VASP: variants seen among roughly 807,000 people sequenced by gnomAD.
The protein encoded by VASP is vasodilator-stimulated phosphoprotein.
Under a neutral mutation model 54.4 loss-of-function variants are expected in VASP, and 27 were observed. The observed-to-expected ratio is 0.50, with a 90% confidence interval of 0.37 to 0.68. VASP has a LOEUF of 0.68. Ranked by LOEUF, VASP falls within the 30% of genes least tolerant of loss-of-function variation. The probability of loss-of-function intolerance (pLI) is 0.00; values close to 1 mark genes in which losing one functional copy is unlikely to be tolerated. For missense variants in VASP, 488 were observed against 528.3 expected (o/e 0.92, Z 0.75); for synonymous variants, 233 against 209.8 (o/e 1.11, Z -0.96).
chr19:45,517,220 T>G (rs909635570), intron 1 of VASP, among the ~76,000 whole-genome samples: 35 of 151,788 alleles, frequency 2.3e-4, no homozygotes, highest in African/African-American at 8.5e-4. Context: ...CTGAAATGCT[T>G]GGGCTCAAGT....
Position 45,513,468 on chromosome 19 carries a change from C to CTTT in VASP, c.6-4176_6-4174dup, listed in dbSNP as rs71173173. Among the ~76,000 whole-genome samples, 28 of 92,780 alleles carry CTTT rather than the reference C, an allele frequency of 3.0e-4. 1 individual carries two copies. Among genetic ancestry groups the CTTT allele is most frequent in the South Asian group, 1.7e-3 (5 of 2,884 alleles). 60.9% of individuals were successfully genotyped at this position (92,780 alleles called of 152,430 possible). Reference sequence around the variant, plus strand: ...CATCTTGCCCAAGCTAGTCTCTCTCCTTTTTTTTTTTTTTTTTTTTTGAGA... The same window carrying CTTT: ...CATCTTGCCCAAGCTAGTCTCTCTCCTTTTTTTTTTTTTTTTTTTTTTTTGAGA... On this transcript the variant is annotated intron_variant, in intron 1 of 12. Transcript: ENST00000245932.
intron 3 of VASP, 53 bp downstream of exon 3, chr19:45,518,147 G>C: frequency 6.3e-7 from 1 of 1,579,422 alleles, no homozygotes; most frequent in Non-Finnish European, 8.6e-7. Flanking sequence ...GTGTGGCCTG[G>C]GGCTGCCGCT....
Position 45,525,995 on chromosome 19 carries a change from T to A in VASP, c.1097T>A (p.Ile366Asn). 1.2e-6 allele frequency: 2 copies of A among 1,613,958 alleles called. No homozygotes were observed. The highest frequency in any genetic ancestry group is 1.7e-6 in the Non-Finnish European group (2 of 1,179,980). The change falls in exon 12 of 13, where the codon ATC (isoleucine) becomes AAC (asparagine). Residue 366 changes from isoleucine to asparagine, a missense_variant. Physicochemically the swap from Ile to Asn is moderately radical, Grantham distance 149 (BLOSUM62 -3). Around this residue, in one of 4 missense-constraint regions of VASP, gnomAD observed 126 missense variants for 134.8 expected, o/e 0.94. Coordinates refer to ENST00000245932, the MANE Select transcript of VASP (RefSeq NM_003370.4). ...GAATTGCAGAAAGTGAAAGAGGAAA[T>A]CATTGAAGGTGAGGTGGTTTGCTTT... ...KKELQKVKEE[I>N]IEAFVQELRK...
rs1346833797 is a variant in VASP, at chr19:45,526,587, G to A, written c.*410G>A. On this transcript the variant is annotated 3_prime_UTR_variant, in exon 13 of 13. Transcript: ENST00000245932. ...ATATATATATATTTGGGTTTTGGGG[G>A]AAAAGGGAAATTTTTTTTTCTCTTT... The A allele has an allele frequency of 6.5e-6, 1 of 154,008 alleles. No individual in the cohort carries two copies. The highest frequency in any genetic ancestry group is 1.4e-5 in the Non-Finnish European group (1 of 69,074). The allele number at this position is 154,008 out of a possible 1,614,324, so 9.5% of individuals were successfully genotyped here.
intron 4 of VASP, 102 bp from the exon 5 acceptor site, chr19:45,522,066 C>T (rs538707703): frequency 2.6e-6 from 4 of 1,527,258 alleles, no homozygotes; most frequent in Admixed American, 3.5e-5. Context: ...TAGGAGCCAG[C>T]CACCCTGGAG....
intron 1 of VASP, among the ~76,000 whole-genome samples, chr19:45,514,800 C>A (rs565290037): frequency 6.6e-6 from 1 of 152,142 alleles, no homozygotes; most frequent in South Asian, 2.1e-4. Flanking sequence ...AGAAACAGCC[C>A]CCGAGGCTGT....
chr19:45,519,310 G>A (rs994787897), intron 3 of VASP, among the ~76,000 whole-genome samples: 6 of 151,398 alleles, frequency 4.0e-5, no homozygotes, highest in South Asian at 2.1e-4. Flanking sequence ...CACCATGCCC[G>A]GCCCTTGTAT....
chr19:45,523,116 C>T (rs1157912556), intron 7 of VASP, among the ~76,000 whole-genome samples: 4 of 150,630 alleles, frequency 2.7e-5, no homozygotes, highest in African/African-American at 4.9e-5. Context: ...GCTCCACCCT[C>T]GGAATCTTAC....
intron 1 of VASP, among the ~76,000 whole-genome samples, chr19:45,514,538 A>G (rs1260419944): frequency 6.6e-6 from 1 of 152,164 alleles, no homozygotes; most frequent in Non-Finnish European, 1.5e-5. Context: ...GTGTTTTAAC[A>G]GGATCCTTCT....
chr19:45,526,127 T>G lies in VASP; in HGVS notation c.1106-13T>G, dbSNP rs1968961825. 1 of 1,613,680 alleles carries G rather than the reference T, an allele frequency of 6.2e-7. No individual in the cohort carries two copies. The highest frequency in any genetic ancestry group is 8.5e-7 in the Non-Finnish European group (1 of 1,179,914). ...GACTCTGCCCCTGACCTCTGCTCCT[T>G]GTTTCCTTCCAGCCTTCGTCCAGGA... On this transcript the variant is annotated splice_polypyrimidine_tract_variant and intron_variant, in intron 12 of 12. Transcript: ENST00000245932.
At chr19:45,515,035 G>A (rs893391216) in intron 1 of VASP, among the ~76,000 whole-genome samples, 11 of 152,150 alleles carry the variant, frequency 7.2e-5, no homozygotes, top group Admixed American at 5.9e-4. Context: ...TTGGGGGAGG[G>A]GCTTAAGGCC....
At chr19:45,512,019 G>A (rs1968608450) in intron 1 of VASP, among the ~76,000 whole-genome samples, 1 of 152,088 alleles carries the variant, frequency 6.6e-6, no homozygotes, top group South Asian at 2.1e-4. Flanking sequence ...CAGGAGAATC[G>A]CTTGAACTCG....
chr19:45,518,156 C>T lies in VASP; in HGVS notation c.343+62C>T, dbSNP rs900530791. 1.9e-6 allele frequency: 3 copies of T among 1,557,198 alleles called. No homozygotes were observed. In the African/African-American group the frequency reaches 4.1e-5, roughly 21 times the overall value. ...GCGGCTGTGTGGCCTGGGGCTGCCGCTTTACCCTGCTGGGACTTGGTTTAC... is the reference window on the plus strand; with the variant it reads ...GCGGCTGTGTGGCCTGGGGCTGCCGTTTTACCCTGCTGGGACTTGGTTTAC... On this transcript the variant is annotated intron_variant, in intron 3 of 12. Transcript: ENST00000245932.
chr19:45,524,965 T>G (rs1425753346), intron 11 of VASP: 3 of 317,918 alleles, frequency 9.4e-6, no homozygotes, highest in South Asian at 9.0e-5. Context: ...CTTGCCAACC[T>G]TGGTACTGGA....
chr19:45,516,951 G>GTCATGCCACTGCATT (rs202031189), intron 1 of VASP, among the ~76,000 whole-genome samples: 1 of 127,380 alleles, frequency 7.9e-6, no homozygotes, highest in African/African-American at 3.0e-5. Context: ...GTGAGCCGAG[G>GTCATGCCACTGCATT]ACAGCCCGGG....
intron 9 of VASP, 36 bp downstream of exon 9, chr19:45,523,913 A>AGCCC (rs748532607): frequency 7.4e-6 from 12 of 1,613,460 alleles, no homozygotes; most frequent in Non-Finnish European, 9.3e-6. Context: ...CAGGAACTAC[A>AGCCC]AATCCCAGAA....
intron 10 of VASP, 135 bp downstream of exon 10, chr19:45,524,277 C>T: frequency 9.7e-7 from 1 of 1,028,436 alleles, no homozygotes; most frequent in Admixed American, 2.0e-5. Context: ...TAGCACTTAC[C>T]TGTGGTCCCA....
At chr19:45,510,447 A>C (rs2122282348) in intron 1 of VASP, among the ~76,000 whole-genome samples, 1 of 152,164 alleles carries the variant, frequency 6.6e-6, no homozygotes, top group South Asian at 2.1e-4. Flanking sequence ...GCTGGTCTCG[A>C]ACTCTTAACC....
rs1968850133 is a variant in VASP, at chr19:45,522,157, T to TC, written c.429-5dup. On this transcript the variant is annotated splice_polypyrimidine_tract_variant and intron_variant, in intron 4 of 12. Transcript: ENST00000245932. ...CCTGATTGACGGCAGCTCTCTCGCC[T>TC]CCCCCCACAGGCAGCAGCCCGGCCC... 7 of 1,613,192 alleles carry TC rather than the reference T, an allele frequency of 4.3e-6. No individual in the cohort carries two copies. The highest frequency in any genetic ancestry group is 1.7e-4 in the Middle Eastern group (1 of 5,740).
Sources: allele counts gnomAD v4.1 joint callset (sites outside exome capture counted in the v4.1 genomes callset), GRCh38; gene constraint gnomAD v4.1.1; regional missense constraint gnomAD v4.1.1; transcripts MANE v1.5; gene names NCBI Gene and HGNC (gene_info 2026-07-23, HGNC 2026-07-21).